Variants in SLC22A24 observed in about 807,000 individuals in gnomAD.
SLC22A24 encodes the protein steroid transmembrane transporter SLC22A24.
A neutral mutation model predicts 49.8 loss-of-function variants in SLC22A24; 53 were observed. That is an observed-to-expected ratio of 1.06 (90% CI 0.85 to 1.34). The LOEUF (loss-of-function observed/expected upper bound fraction) is 1.34, where lower values mean the gene tolerates loss of function less well. Among genes scored for constraint, SLC22A24 ranks in the 40% most tolerant of loss-of-function variants. The pLI is 0.00. For synonymous variants in SLC22A24, 302 were observed against 256.4 expected (o/e 1.18, Z -1.70); for missense variants, 786 against 675.9 (o/e 1.16, Z -1.81).
At chr11:63,104,324 T>A in intron 4 of SLC22A24, 26 bp from the exon 5 acceptor site, 1 of 1,530,096 alleles carries the variant, frequency 6.5e-7, no homozygotes, top group South Asian at 1.2e-5. Context: ...AACATAGGTA[T>A]AGTAAACAAT....
chr11:63,143,512 G>T lies in SLC22A24; in HGVS notation c.268C>A (p.Arg90Ser), dbSNP rs556942414. The change falls in exon 1 of 10, where the codon CGC becomes AGC. Residue 90 changes from arginine to serine, a missense_variant. Arg to Ser is a moderately radical substitution (Grantham distance 110). Coordinates refer to ENST00000612278, the MANE Select transcript of SLC22A24 (RefSeq NM_001136506.2). ...AGCTGCCACTGGGGATGGATAAAGC[G>T]CTGACACTTCTGTGGCCTCAGGTTT... Reference protein sequence around the residue: ...DSNLRPQKCQRFIHPQWQLLH... With the variant: ...DSNLRPQKCQSFIHPQWQLLH... 3.8e-6 allele frequency: 6 copies of T among 1,599,860 alleles called. No individual in the cohort carries two copies. Among genetic ancestry groups the T allele is most frequent in the Non-Finnish European group, 4.3e-6 (5 of 1,173,716 alleles).
chr11:63,129,535 G>A (rs1164229371), intron 2 of SLC22A24, among the ~76,000 whole-genome samples: 1 of 152,116 alleles, frequency 6.6e-6, no homozygotes, highest in Non-Finnish European at 1.5e-5. Flanking sequence ...TAGCTAGATG[G>A]GGATGGCATT....
intron 1 of SLC22A24, among the ~76,000 whole-genome samples, chr11:63,139,294 A>G (rs555594328): frequency 1.1e-4 from 16 of 152,292 alleles, no homozygotes; most frequent in African/African-American, 2.6e-4. Context: ...TTCGGAAGAA[A>G]GCTCTGTTTT....
At chr11:63,134,903 C>A in intron 1 of SLC22A24, 135 bp from the exon 2 acceptor site, 1 of 576,556 alleles carries the variant, frequency 1.7e-6, no homozygotes, top group Non-Finnish European at 3.1e-6. Context: ...CCAGCTTCAT[C>A]TGCAGGTACT....
At chr11:63,139,890 A>G (rs2087402277) in intron 1 of SLC22A24, among the ~76,000 whole-genome samples, 2 of 151,918 alleles carry the variant, frequency 1.3e-5, no homozygotes, top group South Asian at 2.1e-4. Context: ...AGTACTGAAT[A>G]TTCTCTTTAT....
At chr11:63,098,539 A>AT (rs1259811359) in intron 5 of SLC22A24, among the ~76,000 whole-genome samples, 1 of 151,946 alleles carries the variant, frequency 6.6e-6, no homozygotes, top group African/African-American at 2.4e-5. Context: ...ATGGTGGCAC[A>AT]TGCCACCCAG....
At chr11:63,117,139 C>T (rs2087217886) in intron 4 of SLC22A24, among the ~76,000 whole-genome samples, 1 of 152,178 alleles carries the variant, frequency 6.6e-6, no homozygotes, top group East Asian at 1.9e-4. Flanking sequence ...TTCATGTTTT[C>T]TTCCATGGCT....
At chr11:63,106,322 C>T (rs893297338) in intron 4 of SLC22A24, among the ~76,000 whole-genome samples, 3 of 152,020 alleles carry the variant, frequency 2.0e-5, no homozygotes, top group Non-Finnish European at 2.9e-5. Flanking sequence ...TTTCTTAATC[C>T]AGTCTATCGT....
rs1445545083 is a variant in SLC22A24 at position 63,119,079 on chromosome 11, G to A, written c.663C>T (p.Ser221=). The A allele has an allele frequency of 2.6e-6, 4 of 1,546,212 alleles. No individual in the cohort carries two copies. In the East Asian group the frequency reaches 9.8e-5, roughly 38 times the overall value. The part of the protein sequence containing the change: ...MTILGNTFIL[S]LEWTLPRSRS... ...GTGACCGGGGCAATGTCCACTCTAA[G>A]CCTGGAAGAAAACATATACATAGTA... Residue 221 remains serine (S), a splice_region_variant and synonymous_variant, in exon 4 of 10, where the codon AGC becomes AGT. Coordinates refer to ENST00000612278, the MANE Select transcript of SLC22A24 (RefSeq NM_001136506.2).
At chr11:63,122,884 A>C (rs1381297452) in intron 2 of SLC22A24, among the ~76,000 whole-genome samples, 1 of 152,146 alleles carries the variant, frequency 6.6e-6, no homozygotes, top group Non-Finnish European at 1.5e-5. Context: ...GTGATGTTTC[A>C]ATACTTATAA....
chr11:63,130,963 T>A (rs570978297), intron 2 of SLC22A24, among the ~76,000 whole-genome samples: 1 of 152,296 alleles, frequency 6.6e-6, no homozygotes, highest in African/African-American at 2.4e-5. Context: ...TGGTCCTGTA[T>A]TGGGTGTATA....
intron 1 of SLC22A24, among the ~76,000 whole-genome samples, chr11:63,138,596 C>A (rs956094582): frequency 1.7e-5 from 2 of 118,176 alleles, no homozygotes; most frequent in African/African-American, 6.6e-5. Flanking sequence ...GAGCCAAGAT[C>A]ATGCCACTGC....
chr11:63,111,523 C>G (rs1001900665), intron 4 of SLC22A24, among the ~76,000 whole-genome samples: 6 of 152,138 alleles, frequency 3.9e-5, no homozygotes. Context: ...GCCACAATTT[C>G]ATAGCCTGTT....
intron 1 of SLC22A24, among the ~76,000 whole-genome samples, chr11:63,140,801 A>T (rs2087410210): frequency 6.6e-6 from 1 of 152,220 alleles, no homozygotes; most frequent in South Asian, 2.1e-4. Context: ...ATAAGAAGGC[A>T]TAAGAATATG....
At chr11:63,119,972 GT>G (rs2087239806) in intron 2 of SLC22A24, among the ~76,000 whole-genome samples, 1 of 151,716 alleles carries the variant, frequency 6.6e-6, no homozygotes. Context: ...GGGGTTGTTT[GT>G]TTTTTTCTTG....
intron 1 of SLC22A24, among the ~76,000 whole-genome samples, chr11:63,135,956 T>C (rs1316353418): frequency 6.6e-6 from 1 of 152,224 alleles, no homozygotes; most frequent in African/African-American, 2.4e-5. Flanking sequence ...CTCTTACAAC[T>C]ACGCAAGAAG....
intron 4 of SLC22A24, among the ~76,000 whole-genome samples, chr11:63,106,211 C>T (rs556160053): frequency 6.6e-6 from 1 of 151,794 alleles, no homozygotes; most frequent in Admixed American, 6.6e-5. Flanking sequence ...CGATAGTTTG[C>T]TGAGAACGAT....
chr11:63,112,877 T>G (rs1327783660), intron 4 of SLC22A24, among the ~76,000 whole-genome samples: 2 of 150,770 alleles, frequency 1.3e-5, no homozygotes, highest in Non-Finnish European at 3.0e-5. Flanking sequence ...TAGCAAGGCA[T>G]GGTGATGAGT....
chr11:63,085,405 T>C (rs575657940), intron 6 of SLC22A24, among the ~76,000 whole-genome samples: 1 of 152,300 alleles, frequency 6.6e-6, no homozygotes, highest in Non-Finnish European at 1.5e-5. Flanking sequence ...TTTTAAATTA[T>C]AGTTACAAGT....
Sources: gnomAD v4.1 joint callset for allele counts (sites outside exome capture counted in the v4.1 genomes callset) on GRCh38, gnomAD v4.1.1 for gene constraint, MANE v1.5 for transcripts, NCBI Gene and HGNC (gene_info 2026-07-23, HGNC 2026-07-21) for gene names.